EIF2AK1: variants seen among roughly 807,000 people sequenced by gnomAD.
The protein encoded by EIF2AK1 is eukaryotic translation initiation factor 2 alpha kinase 1.
A neutral mutation model predicts 77.9 loss-of-function variants in EIF2AK1; 54 were observed. That is an observed-to-expected ratio of 0.69 (90% CI 0.56 to 0.87). The LOEUF (loss-of-function observed/expected upper bound fraction) is 0.87. Ranked by LOEUF, EIF2AK1 falls within the 40% of genes least tolerant of loss-of-function variation. The pLI, the probability that EIF2AK1 is intolerant of heterozygous loss-of-function variation, is 0.00. For synonymous variants in EIF2AK1, 314 were observed against 290.5 expected, an observed-to-expected ratio of 1.08 and a Z score of -0.82; for missense variants, 810 against 768.6, an observed-to-expected ratio of 1.05 and a Z score of -0.64.
intron 2 of EIF2AK1, among the ~76,000 whole-genome samples, chr7:6,052,600 A>AG (rs1788637609): frequency 1.3e-5 from 2 of 150,640 alleles, no homozygotes; most frequent in Non-Finnish European, 3.0e-5. Context: ...AAAAAAAAAA[A>AG]AAAAAAAGAA....
At chr7:6,044,329 G>A (rs1788385708) in intron 7 of EIF2AK1, among the ~76,000 whole-genome samples, 1 of 151,728 alleles carries the variant, frequency 6.6e-6, no homozygotes, top group African/African-American at 2.4e-5. Flanking sequence ...AAGTTAGCTG[G>A]CCGTGGTGGC....
intron 2 of EIF2AK1, among the ~76,000 whole-genome samples, chr7:6,051,626 C>A (rs1160118267): frequency 6.6e-6 from 1 of 151,936 alleles, no homozygotes. Context: ...GATGGGGTTT[C>A]ACCATGTTGG....
intron 11 of EIF2AK1, among the ~76,000 whole-genome samples, 192 bp downstream of exon 11, chr7:6,037,230 CAA>C (rs201542858): frequency 2.3e-5 from 3 of 127,966 alleles, no homozygotes; most frequent in Non-Finnish European, 1.7e-5. Flanking sequence ...AATGCTGTCT[CAA>C]AAAAAAAAAA....
chr7:6,023,768 G>A lies in EIF2AK1; in HGVS notation c.*905C>T, dbSNP rs754791603. On this transcript the variant is annotated 3_prime_UTR_variant, in exon 15 of 15. Transcript: ENST00000199389. Reference sequence around the variant, plus strand: ...ATGCCTATTATCAGTAAGGGGACTTGTATTAGAGTCAGAGTCTTTTTATTT... The same window carrying A: ...ATGCCTATTATCAGTAAGGGGACTTATATTAGAGTCAGAGTCTTTTTATTT... 7 of 1,607,920 alleles carry A rather than the reference G, an allele frequency of 4.4e-6. No homozygotes were observed. Among genetic ancestry groups the A allele is most frequent in the Non-Finnish European group, 6.0e-6 (7 of 1,176,328 alleles).
In EIF2AK1 at chr7:6,037,454, A is replaced by G. The variant is rs1788140435; in HGVS notation, c.1302T>C (p.His434=). ...GATCTCGGTGCACAATTCCCATGTT[A>G]TGTATGTAAAACACACCTTCTACCA... ...QELVEGVFYI[H]NMGIVHRDLK... The change falls in exon 11 of 15, where the codon CAT becomes CAC. Residue 434 remains histidine, a synonymous_variant. Coordinates refer to ENST00000199389, the MANE Select transcript of EIF2AK1 (RefSeq NM_014413.4). The G allele has an allele frequency of 1.2e-6, 2 of 1,613,234 alleles. No individual in the cohort carries two copies. Among genetic ancestry groups the G allele is most frequent in the Middle Eastern group, 1.6e-4 (1 of 6,062 alleles).
Position 6,038,600 on chromosome 7 carries a change from C to T in EIF2AK1, c.1191G>A (p.Glu397=), listed in dbSNP as rs571992660. The part of the protein sequence containing the change: ...CELSLWDWIV[E]RNKRGREYVD... The stretch of plus-strand genomic sequence containing the variant: ...CATACTCCCGGCCCCGCTTGTTTCT[C>T]TCGACTATCCAATCCCACAGCGAGA... Residue 397 remains glutamate, a synonymous_variant, in exon 10 of 15, where the codon GAG becomes GAA. Coordinates refer to ENST00000199389, the MANE Select transcript of EIF2AK1 (RefSeq NM_014413.4). 904 of 1,613,238 alleles carry T rather than the reference C, an allele frequency of 5.6e-4. 17 individuals are homozygous for T. The South Asian group carries it at 9.5e-3, about 17-fold the overall frequency.
At chr7:6,026,296 G>T (rs1554317480) in intron 14 of EIF2AK1, 1 of 384,466 alleles carries the variant, frequency 2.6e-6, no homozygotes, top group Non-Finnish European at 5.3e-6. Flanking sequence ...AGACAGCCCA[G>T]AACAGCAGGC....
At chr7:6,024,832 A>G in intron 14 of EIF2AK1, 31 bp from the exon 15 acceptor site, 1 of 1,445,578 alleles carries the variant, frequency 6.9e-7, no homozygotes, top group Middle Eastern at 1.9e-4. Context: ...AAACTCCATT[A>G]AAATAACTTT....
chr7:6,058,891 A>T, intron 1 of EIF2AK1, 75 bp downstream of exon 1: 1 of 1,340,324 alleles, frequency 7.5e-7, no homozygotes. Flanking sequence ...GGCAAACCTC[A>T]GGGCTGCCTT....
chr7:6,043,485 T>C (rs902368080), intron 7 of EIF2AK1, among the ~76,000 whole-genome samples: 8 of 152,190 alleles, frequency 5.3e-5, no homozygotes, highest in East Asian at 1.9e-4. Flanking sequence ...GTGGAATGCA[T>C]TGGCACGATC....
In EIF2AK1 at chr7:6,040,829, G is replaced by A. The variant is rs540573174; in HGVS notation, c.1119+63C>T. 81 of 1,348,674 alleles carry A rather than the reference G, an allele frequency of 6.0e-5. No individual in the cohort carries two copies. The South Asian group carries it at 9.5e-4, about 16-fold the overall frequency. 83.5% of individuals were successfully genotyped at this position (1,348,674 alleles called of 1,614,324 possible). A position where few individuals can be genotyped will look rare whatever the true frequency, so the allele number is the denominator to read the frequency against. Reference sequence around the variant, plus strand: ...CCAGAGCTGAGAGAGGGCGAGAGAAGGCCACACACCTGCACAGTCACCAAT... The same window carrying A: ...CCAGAGCTGAGAGAGGGCGAGAGAAAGCCACACACCTGCACAGTCACCAAT... On this transcript the variant is annotated intron_variant, in intron 9 of 14. Coordinates refer to ENST00000199389, the MANE Select transcript of EIF2AK1 (RefSeq NM_014413.4).
rs1466390214 is a variant in EIF2AK1, at chr7:6,059,066, G to A, written c.18C>T (p.Ser6=). Residue 6 remains serine (S), a synonymous_variant, in exon 1 of 15, where the codon TCC becomes TCT. Coordinates refer to ENST00000199389, the MANE Select transcript of EIF2AK1 (RefSeq NM_014413.4). MQGGN[S]GVRKREEEGD... ...CCTCCTCTTCGCGCTTGCGGACCCC[G>A]GAGTTGCCCCCCTGCATCGCCGGCC... 1 of 1,465,310 alleles carries A rather than the reference G, an allele frequency of 6.8e-7. No individual in the cohort carries two copies. The highest frequency in any genetic ancestry group is 9.0e-7 in the Non-Finnish European group (1 of 1,115,116). The allele number at this position is 1,465,310 out of a possible 1,614,324, so 90.8% of individuals were successfully genotyped here.
Position 6,022,490 on chromosome 7 carries a change from A to T in EIF2AK1, c.*2183T>A, listed in dbSNP as rs1396248553. 6.6e-6 allele frequency: 1 copy of T among 152,172 alleles called. No individual in the cohort carries two copies. Among genetic ancestry groups the T allele is most frequent in the Non-Finnish European group, 1.5e-5 (1 of 68,050 alleles). 9.4% of individuals were successfully genotyped at this position (152,172 alleles called of 1,614,324 possible). ...TGTACTATATGATGAGATGTGCAAC[A>T]TGGTTTTGATAAGAGGCAGCAAGGG... On this transcript the variant is annotated 3_prime_UTR_variant, in exon 15 of 15. Transcript: ENST00000199389.
intron 9 of EIF2AK1, among the ~76,000 whole-genome samples, chr7:6,038,945 A>C (rs1788188271): frequency 6.6e-6 from 1 of 152,182 alleles, no homozygotes; most frequent in Non-Finnish European, 1.5e-5. Flanking sequence ...GGCTGAAGTC[A>C]GGCAGGGGTC....
intron 8 of EIF2AK1, among the ~76,000 whole-genome samples, chr7:6,042,353 A>G (rs1286901465): frequency 6.6e-6 from 1 of 151,830 alleles, no homozygotes; most frequent in African/African-American, 2.4e-5. Context: ...AGGGAGGCTA[A>G]GTCAGGAGGA....
chr7:6,025,531 A>G (rs1289253919), intron 14 of EIF2AK1, among the ~76,000 whole-genome samples: 1 of 152,244 alleles, frequency 6.6e-6, no homozygotes, highest in African/African-American at 2.4e-5. Flanking sequence ...TAAGCATGCT[A>G]CTGGTATTCA....
At chr7:6,028,144 A>G (rs1251999023) in intron 13 of EIF2AK1, 3 of 333,058 alleles carry the variant, frequency 9.0e-6, no homozygotes, top group African/African-American at 6.6e-5. Flanking sequence ...GAGTCTACTG[A>G]AAAGTGAGGT....
At position 6,032,872 on chromosome 7, in the gene EIF2AK1, G is replaced by A. The variant is rs561724217; in HGVS notation, c.1333-3840C>T. On this transcript the variant is annotated intron_variant, in intron 11 of 14. Coordinates refer to ENST00000199389, the MANE Select transcript of EIF2AK1 (RefSeq NM_014413.4). This position sits in a 1 kb window ranked among gnomAD's most constrained non-coding sequence, Gnocchi z 4.3. ...GTCTATCATCCCCATCCATCTGGCT[G>A]CCAAGTACCACAAGGCCCAGAGTCT... 6.4e-7 allele frequency: 1 copy of A among 1,551,016 alleles called. No individual in the cohort carries two copies. The highest frequency in any genetic ancestry group is 8.7e-7 in the Non-Finnish European group (1 of 1,147,010).
rs368630498 is a variant in EIF2AK1, at chr7:6,041,142, T to C, written c.869A>G (p.Lys290Arg). The change falls in exon 9 of 15, where the codon AAA (lysine) becomes AGA (arginine). Residue 290 changes from lysine (K) to arginine (R), a missense_variant. By Grantham distance (26) the Lys-to-Arg change is conservative. Transcript: ENST00000199389. ...TTCAGTGTCAGATTCTCCAAAGCGT[T>C]TTTCTTTTTCTGGGGTGGGCTCAGC... ...IFAEPTPEKE[K>R]RFGESDTENQ... is the part of the protein sequence containing the mutation. 6.2e-7 allele frequency: 1 copy of C among 1,614,090 alleles called. No individual in the cohort carries two copies. Among genetic ancestry groups the C allele is most frequent in the Non-Finnish European group, 8.5e-7 (1 of 1,180,012 alleles).
Sources: gnomAD v4.1 joint callset for allele counts (sites outside exome capture counted in the v4.1 genomes callset) on GRCh38, gnomAD v4.1.1 for gene constraint, Gnocchi (gnomAD v3.1) non-coding constraint, MANE v1.5 for transcripts, NCBI Gene and HGNC (gene_info 2026-07-23, HGNC 2026-07-21) for gene names.